RGCC: variants seen among roughly 807,000 people sequenced by gnomAD.
The protein encoded by RGCC is regulator of cell cycle.
Under a neutral mutation model 15.4 loss-of-function variants are expected in RGCC, and 15 were observed. The ratio of observed to expected loss-of-function variants is 0.97; its 90% CI spans 0.65 to 1.50. The LOEUF is 1.50. Among genes scored for constraint, RGCC ranks in the 40% most tolerant of loss-of-function variants. RGCC has a pLI of 0.00. For synonymous variants in RGCC, 81 were observed against 78.0 expected, an observed-to-expected ratio of 1.04 and a Z score of -0.20; for missense variants, 176 against 189.7, an observed-to-expected ratio of 0.93 and a Z score of 0.42.
At position 41,466,937 on chromosome 13, in the gene RGCC, T is replaced by A. The variant is rs1254046901; in HGVS notation, c.343+7T>A. ...ACTGTCACTCCTCAGAAAGGTAAGGTCATTAGTTGGAATTTGAGTTTTTTG... is the reference window on the plus strand; with the variant it reads ...ACTGTCACTCCTCAGAAAGGTAAGGACATTAGTTGGAATTTGAGTTTTTTG... On this transcript the variant is annotated splice_region_variant and intron_variant, in intron 3 of 4. Transcript: ENST00000379359. 6.3e-7 allele frequency: 1 copy of A among 1,599,036 alleles called. No individual in the cohort carries two copies. The highest frequency in any genetic ancestry group is 8.6e-7 in the Non-Finnish European group (1 of 1,166,470).
chr13:41,459,810 G>A (rs1014919482), intron 2 of RGCC, among the ~76,000 whole-genome samples: 4 of 152,214 alleles, frequency 2.6e-5, no homozygotes, highest in South Asian at 2.1e-4. Context: ...TCCTACTGGG[G>A]CATGGAGCAA....
intron 2 of RGCC, among the ~76,000 whole-genome samples, chr13:41,465,717 C>A (rs2043843801): frequency 6.6e-6 from 1 of 152,114 alleles, no homozygotes; most frequent in Non-Finnish European, 1.5e-5. Flanking sequence ...AATAGATGAA[C>A]TTCCAGGAGA....
Position 41,470,619 on chromosome 13 carries a change from C to A in RGCC, c.*134C>A. 1.1e-6 allele frequency: 1 copy of A among 870,258 alleles called. No individual in the cohort carries two copies. The highest frequency in any genetic ancestry group is 1.9e-6 in the Non-Finnish European group (1 of 522,616). The allele number at this position is 870,258 out of a possible 1,614,324, so 53.9% of individuals were successfully genotyped here. A position where few individuals can be genotyped will look rare whatever the true frequency, so the allele number is the denominator to read the frequency against. On this transcript the variant is annotated 3_prime_UTR_variant, in exon 5 of 5. Transcript: ENST00000379359. ...ACTCAACCTTCTACCAGGCCACTCT[C>A]AGGCTCACCTTAAAATCAGCCCTTG... is the stretch of plus-strand genomic sequence containing the variant.
chr13:41,468,105 T>G (rs2043857609), intron 3 of RGCC, among the ~76,000 whole-genome samples: 1 of 152,222 alleles, frequency 6.6e-6, no homozygotes, highest in South Asian at 2.1e-4. Context: ...AGGACTCGTT[T>G]CCTTGTGTGG....
chr13:41,463,150 G>A (rs2043829784), intron 2 of RGCC, among the ~76,000 whole-genome samples: 1 of 152,176 alleles, frequency 6.6e-6, no homozygotes, highest in African/African-American at 2.4e-5. Flanking sequence ...ACTCTACAGG[G>A]TCATGCAGTT....
At chr13:41,463,590 T>C (rs898761861) in intron 2 of RGCC, among the ~76,000 whole-genome samples, 1 of 152,034 alleles carries the variant, frequency 6.6e-6, no homozygotes, top group East Asian at 1.9e-4. Flanking sequence ...TAAATAGATA[T>C]TGTAACTAGT....
At position 41,458,471 on chromosome 13, in the gene RGCC, G is replaced by A. The variant is rs1217408169; in HGVS notation, c.235+1G>A. On this transcript the variant is annotated splice_donor_variant, in intron 2 of 4. Coordinates refer to ENST00000379359, the MANE Select transcript of RGCC (RefSeq NM_014059.3). LOFTEE classifies it high-confidence loss of function. The surrounding 1 kb of genome is among the most constrained non-coding windows in gnomAD (Gnocchi z 4.4). ...AGCAGCGGCTTCAGCGACTCGGAGA[G>A]TAAGTGCGGCCCCCGCTAGGATGGC... 2 of 1,594,478 alleles carry A rather than the reference G, an allele frequency of 1.3e-6. No homozygotes were observed. Among genetic ancestry groups the A allele is most frequent in the Admixed American group, 1.7e-5 (1 of 59,072 alleles).
chr13:41,457,575 G>C lies in RGCC; in HGVS notation c.-133G>C. The C allele has an allele frequency of 7.3e-7, 1 of 1,378,446 alleles. No homozygotes were observed. The highest frequency in any genetic ancestry group is 3.2e-5 in the East Asian group (1 of 31,284). The allele number at this position is 1,378,446 out of a possible 1,614,324, so 85.4% of individuals were successfully genotyped here. ...AGGGCGGGCGCGGACCGTGCTGGGA[G>C]CGGCGCGGCTGGAGCGCAGCGCCGA... On this transcript the variant is annotated 5_prime_UTR_variant, in exon 1 of 5. Transcript: ENST00000379359. This position sits in a 1 kb window ranked among gnomAD's most constrained non-coding sequence, Gnocchi z 4.9.
At chr13:41,468,975 C>T (rs942877410) in intron 4 of RGCC, 137 bp downstream of exon 4, 2 of 644,376 alleles carry the variant, frequency 3.1e-6, no homozygotes, top group Admixed American at 3.0e-5. Context: ...GAAACAGGAC[C>T]CTAGGCCGGG....
intron 3 of RGCC, 100 bp from the exon 4 acceptor site, chr13:41,468,676 A>G: frequency 1.2e-6 from 1 of 827,170 alleles, no homozygotes; most frequent in Non-Finnish European, 2.0e-6. Flanking sequence ...TAACTCTGGA[A>G]GTTCCAACTT....
In RGCC at chr13:41,458,302, G is replaced by A. The variant is rs1378149734; in HGVS notation, c.67G>A (p.Ala23Thr). Residue 23 changes from alanine to threonine, a missense_variant, in exon 2 of 5, where the codon GCG (alanine) becomes ACG (threonine). Physicochemically the swap from Ala to Thr is moderately conservative, Grantham distance 58. Transcript: ENST00000379359. This position sits in a 1 kb window ranked among gnomAD's most constrained non-coding sequence, Gnocchi z 4.4. Reference protein sequence around the residue: ...AAAAAPALDSAAAEDLSDALC... With the variant: ...AAAAAPALDSTAAEDLSDALC... ...GCCCGCAGCCCCGGCCCTGGACTCG[G>A]CGGCCGCGGAGGACCTGTCGGACGC... 2.5e-6 allele frequency: 4 copies of A among 1,578,332 alleles called. No individual in the cohort carries two copies. The highest frequency in any genetic ancestry group is 3.7e-4 in the Middle Eastern group (2 of 5,338).
Position 41,458,553 on chromosome 13 carries a change from T to C in RGCC, c.235+83T>C. 7.2e-7 allele frequency: 1 copy of C among 1,389,888 alleles called. No individual in the cohort carries two copies. Among genetic ancestry groups the C allele is most frequent in the Admixed American group, 2.3e-5 (1 of 43,040 alleles). 86.1% of individuals were successfully genotyped at this position (1,389,888 alleles called of 1,614,324 possible). A position where few individuals can be genotyped will look rare whatever the true frequency, so the allele number is the denominator to read the frequency against. On this transcript the variant is annotated intron_variant, in intron 2 of 4. Transcript: ENST00000379359. The surrounding 1 kb of genome is among the most constrained non-coding windows in gnomAD (Gnocchi z 4.4). ...CGCGAAGGCTGCGGCCTCAGTTTTCTTATCAGTAAACTGAGGAATGGTTTC... is the reference window on the plus strand; with the variant it reads ...CGCGAAGGCTGCGGCCTCAGTTTTCCTATCAGTAAACTGAGGAATGGTTTC...
intron 2 of RGCC, among the ~76,000 whole-genome samples, chr13:41,461,644 A>G (rs1413497414): frequency 6.6e-6 from 1 of 152,204 alleles, no homozygotes; most frequent in Non-Finnish European, 1.5e-5. Context: ...TCTACTGTGT[A>G]TGCTAGGGTT....
At chr13:41,459,087 G>T (rs1044016636) in intron 2 of RGCC, among the ~76,000 whole-genome samples, 3 of 152,080 alleles carry the variant, frequency 2.0e-5, no homozygotes, top group Non-Finnish European at 2.9e-5. Context: ...AGAGCACATG[G>T]GCATGAAGGT....
intron 2 of RGCC, among the ~76,000 whole-genome samples, 172 bp from the exon 3 acceptor site, chr13:41,466,651 A>C (rs2043850808): frequency 6.6e-6 from 1 of 152,132 alleles, no homozygotes; most frequent in African/African-American, 2.4e-5. Flanking sequence ...AGCTTCCCAA[A>C]GTGCTGAGAT....
intron 2 of RGCC, among the ~76,000 whole-genome samples, chr13:41,466,217 TTTCTCACACACACATA>T (rs995908664): frequency 1.6e-4 from 24 of 146,560 alleles, no homozygotes; most frequent in African/African-American, 4.3e-4. Flanking sequence ...ACTCACACAC[TTTCTCACACACACATA>T]TTCTCACACA....
intron 2 of RGCC, among the ~76,000 whole-genome samples, chr13:41,465,770 A>T (rs1258148575): frequency 6.6e-6 from 1 of 152,200 alleles, no homozygotes; most frequent in Admixed American, 6.5e-5. Flanking sequence ...TGAAGAGTAC[A>T]GACTCTTAGG....
intron 2 of RGCC, among the ~76,000 whole-genome samples, chr13:41,466,089 C>T (rs909779485): frequency 6.6e-6 from 1 of 151,148 alleles, no homozygotes; most frequent in Admixed American, 6.6e-5. Flanking sequence ...TTCTCACTCA[C>T]ACTCTCACAC....
At chr13:41,468,907 A>G in intron 4 of RGCC, 69 bp downstream of exon 4, 2 of 1,185,622 alleles carry the variant, frequency 1.7e-6, no homozygotes, top group Non-Finnish European at 2.4e-6. Context: ...AAAGTGTTGT[A>G]ATGTTAACCA....
Sources: gnomAD v4.1 joint callset for allele counts (sites outside exome capture counted in the v4.1 genomes callset) on GRCh38, gnomAD v4.1.1 for gene constraint, Gnocchi (gnomAD v3.1) non-coding constraint, MANE v1.5 for transcripts, NCBI Gene and HGNC (gene_info 2026-07-23, HGNC 2026-07-21) for gene names.